TYK2: variants seen among roughly 807,000 people sequenced by gnomAD.
TYK2 encodes non-receptor tyrosine-protein kinase TYK2.
In TYK2, 65 loss-of-function variants were observed where a neutral mutation model predicts 130.9. That is an observed-to-expected ratio of 0.50 (90% confidence interval 0.41 to 0.61). The LOEUF (loss-of-function observed/expected upper bound fraction) is 0.61, where lower values mean the gene tolerates loss of function less well. Ranked by LOEUF, TYK2 falls within the 20% of genes least tolerant of loss-of-function variation. TYK2 has a pLI of 0.00. For synonymous variants in TYK2, 647 were observed against 658.9 expected (o/e 0.98, Z 0.28); for missense variants, 1,378 against 1,610.7 (o/e 0.86, Z 2.47).
rs918731998 is a variant in TYK2, at chr19:10,378,534, TC to T, written c.-20-109del. The T allele has an allele frequency of 5.6e-5, 49 of 880,090 alleles. No homozygotes were observed. The African/African-American group carries it at 7.8e-4, about 14-fold the overall frequency. 54.5% of individuals were successfully genotyped at this position (880,090 alleles called of 1,614,324 possible). On this transcript the variant is annotated intron_variant, in intron 2 of 24. Transcript: ENST00000525621. ...AAGGCCTGAGGGGAAGATTCTGGGC[TC>T]CCATCTTGGCATGACATTAGAGACC...
At position 10,367,639 on chromosome 19, in the gene TYK2, G is replaced by A. The variant is rs12720257; in HGVS notation, c.465+416C>T. On this transcript the variant is annotated intron_variant, in intron 5 of 24. Transcript: ENST00000525621. The stretch of plus-strand genomic sequence containing the variant: ...GACTCCATTTCAAAAAAAAAAGATC[G>A]GCTGGGAGCGGTGGCTCACGCCTGT... Among the ~76,000 whole-genome samples, 1,177 of 149,530 alleles carry A rather than the reference G, an allele frequency of 7.9e-3. 14 individuals are homozygous for A. The highest frequency in any genetic ancestry group is 0.027 in the African/African-American group (1,095 of 40,496).
chr19:10,376,007 CTTTT>C (rs898207480), intron 3 of TYK2, among the ~76,000 whole-genome samples: 5 of 134,644 alleles, frequency 3.7e-5, no homozygotes, highest in African/African-American at 1.3e-4. Context: ...GCCTTTCTTT[CTTTT>C]TTTTTTTTTT....
rs2040888644 is a variant in TYK2, at chr19:10,352,983, ACGGCCTTGGC to A, written c.3133_3142del (p.Ala1045CysfsTer26). 2 of 1,606,298 alleles carry A rather than the reference ACGGCCTTGGC, an allele frequency of 1.2e-6. No individual in the cohort carries two copies. The highest frequency in any genetic ancestry group is 1.7e-6 in the Non-Finnish European group (2 of 1,176,170). On this transcript the variant is annotated frameshift_variant, in exon 22 of 25. Transcript: ENST00000525621. LOFTEE classifies it high-confidence loss of function. ...GCGGTAGTACTCGTGGCCTTCGGGC[ACGGCCTTGGC>A]TAGGCCAAAGTCCCCGATCTTGACC...
intron 15 of TYK2, among the ~76,000 whole-genome samples, 162 bp from the exon 16 acceptor site, chr19:10,358,300 T>TC (rs2041215545): frequency 6.8e-6 from 1 of 146,590 alleles, no homozygotes; most frequent in Non-Finnish European, 1.5e-5. Flanking sequence ...TCTTGTTTTT[T>TC]TTTTTTTTTT....
At position 10,357,871 on chromosome 19, in the gene TYK2, C is replaced by T. The variant is rs267605272; in HGVS notation, c.2359G>A (p.Gly787Arg). The change falls in exon 17 of 25, where the codon GGG becomes AGG. Residue 787 changes from glycine to arginine, a missense_variant. Coordinates refer to ENST00000525621, the MANE Select transcript of TYK2 (RefSeq NM_003331.5). ...ATGGCGGTGCTTAGGCTGTTGGCCC[C>T]ACCTGGTAGGCATTCGGGGGCCAGC... ...PWLAPECLPG[G>R]ANSLSTAMDK... 125 of 1,613,446 alleles carry T rather than the reference C, an allele frequency of 7.7e-5. No homozygotes were observed. The highest frequency in any genetic ancestry group is 1.0e-4 in the Non-Finnish European group (119 of 1,180,036).
At chr19:10,380,215 G>C (rs917705246) in intron 1 of TYK2, among the ~76,000 whole-genome samples, 165 bp downstream of exon 1, 1 of 152,228 alleles carries the variant, frequency 6.6e-6, no homozygotes, top group African/African-American at 2.4e-5. Context: ...CTTTCGCGGA[G>C]CCTACTTCCT....
At chr19:10,357,483 C>G (rs1332132824) in intron 17 of TYK2, 6 of 704,300 alleles carry the variant, frequency 8.5e-6, no homozygotes, top group Admixed American at 2.0e-5. Context: ...CTTCCCCACT[C>G]TGCAGCCTGG....
chr19:10,362,502 C>G, intron 10 of TYK2, 46 bp from the exon 11 acceptor site: 1 of 1,564,128 alleles, frequency 6.4e-7, no homozygotes, highest in South Asian at 1.2e-5. Flanking sequence ...GGGGACCAGG[C>G]AGGGAACGTG....
chr19:10,365,384 C>A lies in TYK2; in HGVS notation c.1011+133G>T, dbSNP rs534637056. On this transcript the variant is annotated intron_variant, in intron 7 of 24. Coordinates refer to ENST00000525621, the MANE Select transcript of TYK2 (RefSeq NM_003331.5). ...ACCTTCTCCAAGAAACTGGCCCTAG[C>A]GGACAGGTGCCCCAGAGCCATGTGG... The A allele has an allele frequency of 4.3e-6, 6 of 1,382,944 alleles. No individual in the cohort carries two copies. The South Asian group carries it at 4.9e-5, about 11-fold the overall frequency. 85.7% of individuals were successfully genotyped at this position (1,382,944 alleles called of 1,614,324 possible).
Position 10,357,883 on chromosome 19 carries a change from A to C in TYK2, c.2347T>G (p.Cys783Gly). 1 of 1,613,492 alleles carries C rather than the reference A, an allele frequency of 6.2e-7. No individual in the cohort carries two copies. Among genetic ancestry groups the C allele is most frequent in the Non-Finnish European group, 8.5e-7 (1 of 1,180,018 alleles). The stretch of plus-strand genomic sequence containing the variant: ...AGGCTGTTGGCCCCACCTGGTAGGC[A>C]TTCGGGGGCCAGCCAGGGGATCCTC... ...VERIPWLAPE[C>G]LPGGANSLST... The change falls in exon 17 of 25, where the codon TGC becomes GGC. Residue 783 changes from cysteine (C) to glycine (G), a missense_variant. Cys to Gly is a radical substitution (Grantham distance 159). Transcript: ENST00000525621.
In TYK2 at chr19:10,354,189, C is replaced by A; in HGVS notation, c.2761G>T (p.Asp921Tyr). 1 of 1,613,748 alleles carries A rather than the reference C, an allele frequency of 6.2e-7. No homozygotes were observed. Among genetic ancestry groups the A allele is most frequent in the Non-Finnish European group, 8.5e-7 (1 of 1,180,020 alleles). ...ACCGCCACCATCTCGCCAGTGCCGT[C>A]GTTGGTCGGATCGTAGCAGTACAAG... ...VSLYCYDPTN[D>Y]GTGEMVAVKA... The change falls in exon 20 of 25, where the codon GAC becomes TAC. Residue 921 changes from aspartate (D) to tyrosine (Y), a missense_variant. Coordinates refer to ENST00000525621, the MANE Select transcript of TYK2 (RefSeq NM_003331.5).
Position 10,353,472 on chromosome 19 carries a change from A to G in TYK2, c.3027+56T>C. On this transcript the variant is annotated intron_variant, in intron 21 of 24. Coordinates refer to ENST00000525621, the MANE Select transcript of TYK2 (RefSeq NM_003331.5). This position sits in a 1 kb window ranked among gnomAD's most constrained non-coding sequence, Gnocchi z 6.9. ...CAGACTGCACCGGATCGCTCAGGCC[A>G]GCCCAAGCTGAAGAGGAAGGGGCAA... 1.5e-6 allele frequency: 2 copies of G among 1,305,132 alleles called. No homozygotes were observed. The highest frequency in any genetic ancestry group is 2.1e-6 in the Non-Finnish European group (2 of 966,470). The allele number at this position is 1,305,132 out of a possible 1,614,324, so 80.8% of individuals were successfully genotyped here.
intron 7 of TYK2, 77 bp from the exon 8 acceptor site, chr19:10,365,125 A>C (rs1224395648): frequency 3.5e-5 from 51 of 1,456,308 alleles, no homozygotes; most frequent in Non-Finnish European, 4.3e-5. Context: ...CCCTGGGGAG[A>C]GACTGGAGCC....
At chr19:10,376,500 G>C (rs1308590201) in intron 3 of TYK2, among the ~76,000 whole-genome samples, 22 of 127,066 alleles carry the variant, frequency 1.7e-4, no homozygotes, top group African/African-American at 2.3e-4. Context: ...TAGAGATGCG[G>C]TTTCACTACA....
In TYK2 at chr19:10,358,124, C is replaced by A. The variant is rs1434798590; in HGVS notation, c.2190G>T (p.Leu730=). 3.1e-6 allele frequency: 5 copies of A among 1,609,564 alleles called. No individual in the cohort carries two copies. The East Asian group carries it at 1.1e-4, about 36-fold the overall frequency. The change falls in exon 16 of 25, where the codon CTG becomes CTT. Residue 730 remains leucine, a synonymous_variant. Coordinates refer to ENST00000525621, the MANE Select transcript of TYK2 (RefSeq NM_003331.5). ...TCCGGCCACACACATTACCATGAAC[C>A]AGGTTCTTGTTCTCCTGAGGTGGGC... is the stretch of plus-strand genomic sequence containing the variant. ...SALSYLENKN[L]VHGNVCGRNI...
chr19:10,363,207 T>G, intron 9 of TYK2, among the ~76,000 whole-genome samples: 1 of 143,730 alleles, frequency 7.0e-6, no homozygotes, highest in African/African-American at 2.6e-5. Context: ...TTTTTTTTTT[T>G]GAGACAGGGT....
At chr19:10,363,728 G>C (rs1392666116) in intron 9 of TYK2, among the ~76,000 whole-genome samples, 2 of 152,198 alleles carry the variant, frequency 1.3e-5, no homozygotes, top group Non-Finnish European at 2.9e-5. Flanking sequence ...ACACAAACAT[G>C]CACTATAAAG....
At position 10,364,336 on chromosome 19, in the gene TYK2, C is replaced by T. The variant is rs1252814094; in HGVS notation, c.1367+278G>A. On this transcript the variant is annotated intron_variant, in intron 9 of 24. Coordinates refer to ENST00000525621, the MANE Select transcript of TYK2 (RefSeq NM_003331.5). The surrounding 1 kb of genome is among the most constrained non-coding windows in gnomAD (Gnocchi z 4.9). ...GACTAGGTTGGCCAATCTGATGAAA[C>T]CCCATCTCTACAAAAATACAAAAAT... 6.6e-6 allele frequency among the ~76,000 whole-genome samples: 1 copy of T among 152,072 alleles called. No individual in the cohort carries two copies. The highest frequency in any genetic ancestry group is 2.1e-4 in the South Asian group (1 of 4,822).
intron 7 of TYK2, 55 bp from the exon 8 acceptor site, chr19:10,365,103 T>G: frequency 8.0e-6 from 12 of 1,504,806 alleles, no homozygotes; most frequent in Non-Finnish European, 8.9e-6. Flanking sequence ...CGTTTATACC[T>G]CCTGCACTTT....
Sources: gnomAD v4.1 joint callset for allele counts (sites outside exome capture counted in the v4.1 genomes callset) on GRCh38, gnomAD v4.1.1 for gene constraint, Gnocchi (gnomAD v3.1) non-coding constraint, MANE v1.5 for transcripts, NCBI Gene and HGNC (gene_info 2026-07-23, HGNC 2026-07-21) for gene names.